BTG4: variants seen among roughly 807,000 people sequenced by gnomAD.
BTG4 encodes the protein protein BTG4.
Under a neutral mutation model 19.3 loss-of-function variants are expected in BTG4, and 10 were observed. The ratio of observed to expected loss-of-function variants is 0.52; its 90% CI spans 0.32 to 0.88. The LOEUF (loss-of-function observed/expected upper bound fraction) is 0.88. BTG4 is among the 40% of genes least tolerant of loss of function. The pLI, the probability that BTG4 is intolerant of heterozygous loss-of-function variation, is 0.04. For synonymous variants in BTG4, 91 were observed against 95.7 expected (o/e 0.95, Z 0.29); for missense variants, 238 against 281.9 (o/e 0.84, Z 1.11).
the BTG4 span, chr11:111,455,635 A>G: frequency 6.5e-6 from 2 of 309,950 alleles, no homozygotes; most frequent in Admixed American, 3.4e-5. Flanking sequence ...GGATCTGGCC[A>G]ACCTGGATCA....
At chr11:111,436,999 G>A in the BTG4 span, among the ~76,000 whole-genome samples, 1 of 152,212 alleles carries the variant, frequency 6.6e-6, no homozygotes, top group Non-Finnish European at 1.5e-5. Flanking sequence ...AAGCCTAGCA[G>A]GTGAACAGCC....
the BTG4 span, among the ~76,000 whole-genome samples, chr11:111,393,741 C>T: frequency 6.6e-6 from 1 of 152,156 alleles, no homozygotes; most frequent in Admixed American, 6.5e-5. Context: ...CCCCAAGCTC[C>T]ACTTTATGCT....
intron 5 of BTG4, among the ~76,000 whole-genome samples, chr11:111,471,639 A>G (rs1328024024): frequency 6.6e-6 from 1 of 152,038 alleles, no homozygotes; most frequent in Non-Finnish European, 1.5e-5. Flanking sequence ...TCTCCAGTCT[A>G]TATTTTCTGC....
chr11:111,513,652 T>G, upstream of BTG4: 1 of 374,756 alleles, frequency 2.7e-6, no homozygotes, highest in Non-Finnish European at 5.4e-6. Context: ...GCTACTAAGT[T>G]TACAATGTAT....
intron 4 of BTG4, 128 bp downstream of exon 4, chr11:111,497,083 G>T (rs1166408590): frequency 4.3e-6 from 4 of 921,000 alleles, no homozygotes; most frequent in African/African-American, 1.7e-5. Flanking sequence ...AATATTAAGA[G>T]TCTGGCTTTT....
chr11:111,479,755 T>G (rs1864618624), intron 5 of BTG4, among the ~76,000 whole-genome samples: 1 of 152,110 alleles, frequency 6.6e-6, no homozygotes. Context: ...GGTTTTTATA[T>G]TTTACTTGAA....
At chr11:111,411,970 C>A in the BTG4 span, among the ~76,000 whole-genome samples, 3 of 152,148 alleles carry the variant, frequency 2.0e-5, no homozygotes, top group African/African-American at 7.2e-5. Flanking sequence ...GGAGCTAGAG[C>A]AAAATCCAGT....
At chr11:111,483,488 CAG>C (rs1864867443) in intron 5 of BTG4, among the ~76,000 whole-genome samples, 1 of 151,976 alleles carries the variant, frequency 6.6e-6, no homozygotes, top group African/African-American at 2.4e-5. Flanking sequence ...AAAAAGATAA[CAG>C]AGAAGGAATT....
chr11:111,385,228 G>C, the BTG4 span: 1 of 151,942 alleles, frequency 6.6e-6, no homozygotes, highest in South Asian at 2.1e-4. Context: ...TAACTTTTGA[G>C]CATTCTGAGA....
chr11:111,447,461 T>C, the BTG4 span, among the ~76,000 whole-genome samples: 1 of 152,302 alleles, frequency 6.6e-6, no homozygotes, highest in East Asian at 1.9e-4. Flanking sequence ...CCTTTGCATC[T>C]CTCCTGCAGC....
the BTG4 span, among the ~76,000 whole-genome samples, chr11:111,428,019 A>G: frequency 1.3e-5 from 2 of 152,194 alleles, no homozygotes; most frequent in Non-Finnish European, 2.9e-5. Flanking sequence ...CCCGGCAAGC[A>G]GCTGTGACAA....
chr11:111,433,215 A>G, the BTG4 span, among the ~76,000 whole-genome samples: 3 of 152,330 alleles, frequency 2.0e-5, no homozygotes, highest in South Asian at 6.2e-4. Flanking sequence ...AGATCATCCA[A>G]TCTGATTTTC....
chr11:111,389,775 T>C, the BTG4 span, among the ~76,000 whole-genome samples: 4 of 152,096 alleles, frequency 2.6e-5, no homozygotes. Context: ...TCGGCATGAG[T>C]ACGTTTTTCT....
chr11:111,431,091 A>G, the BTG4 span, among the ~76,000 whole-genome samples: 2 of 152,218 alleles, frequency 1.3e-5, no homozygotes, highest in African/African-American at 4.8e-5. Flanking sequence ...AAAAGCAGAA[A>G]TTAAAGGACT....
the BTG4 span, among the ~76,000 whole-genome samples, chr11:111,395,841 T>C: frequency 6.6e-6 from 1 of 152,212 alleles, no homozygotes; most frequent in Non-Finnish European, 1.5e-5. Context: ...CCTTTGAACT[T>C]ACCCTGCAGA....
At chr11:111,475,076 T>C (rs945665020) in intron 5 of BTG4, 2 of 152,606 alleles carry the variant, frequency 1.3e-5, no homozygotes, top group African/African-American at 4.8e-5. Flanking sequence ...ATATAATGTT[T>C]ATTTTTTCCA....
intron 5 of BTG4, among the ~76,000 whole-genome samples, chr11:111,479,518 T>C (rs977890926): frequency 6.6e-6 from 1 of 151,896 alleles, no homozygotes; most frequent in Non-Finnish European, 1.5e-5. Context: ...GTTCTCTAAA[T>C]AGAAGGGAAA....
downstream of BTG4, among the ~76,000 whole-genome samples, chr11:111,493,725 C>T (rs576093955): frequency 4.7e-4 from 71 of 152,160 alleles, no homozygotes; most frequent in South Asian, 1.0e-3. Flanking sequence ...ACTCACTTTT[C>T]AGCAGAGAAA....
At chr11:111,491,140 T>C (rs1865390522), downstream of BTG4, among the ~76,000 whole-genome samples, 1 of 152,188 alleles carries the variant, frequency 6.6e-6, no homozygotes, top group Non-Finnish European at 1.5e-5. Flanking sequence ...ACCTACAGTA[T>C]GATTAATTTA....
Sources: allele counts gnomAD v4.1 joint callset (sites outside exome capture counted in the v4.1 genomes callset), GRCh38; gene constraint gnomAD v4.1.1; transcripts MANE v1.5; gene names NCBI Gene and HGNC (gene_info 2026-07-23, HGNC 2026-07-21).